Variants in SOBP observed in about 807,000 individuals in gnomAD.
SOBP encodes the protein sine oculis-binding protein homolog.
A neutral mutation model predicts 53.6 loss-of-function variants in SOBP; 4 were observed. That is an observed-to-expected ratio of 0.07 (90% confidence interval 0.04 to 0.17). The LOEUF (loss-of-function observed/expected upper bound fraction) is 0.17, where lower values mean the gene tolerates loss of function less well. Among genes scored for constraint, SOBP ranks in the 10% least tolerant of loss-of-function variants. The probability of loss-of-function intolerance (pLI) is 1.00; values close to 1 mark genes in which losing one functional copy is unlikely to be tolerated. For synonymous variants in SOBP, 584 were observed against 522.6 expected, an observed-to-expected ratio of 1.12 and a Z score of -1.60; for missense variants, 1,088 against 1,204.7, an observed-to-expected ratio of 0.90 and a Z score of 1.43.
intron 1 of SOBP, among the ~76,000 whole-genome samples, chr6:107,494,711 C>G (rs1782656914): frequency 1.3e-5 from 2 of 152,182 alleles, no homozygotes; most frequent in African/African-American, 4.8e-5. Context: ...TGCTTCTTTG[C>G]TGAAGAAGTT....
chr6:107,626,072 T>A (rs1261060341), intron 5 of SOBP, among the ~76,000 whole-genome samples: 1 of 152,054 alleles, frequency 6.6e-6, no homozygotes, highest in Non-Finnish European at 1.5e-5. Flanking sequence ...GAGCCAAATA[T>A]ATACTTGAAA....
chr6:107,527,402 G>A (rs1019399898), intron 3 of SOBP, among the ~76,000 whole-genome samples: 1 of 152,170 alleles, frequency 6.6e-6, no homozygotes, highest in African/African-American at 2.4e-5. Context: ...CAGTTACTGA[G>A]TTGTTCTTTG....
chr6:107,572,245 A>G lies in SOBP; in HGVS notation c.574-14835A>G, dbSNP rs139388562. On this transcript the variant is annotated intron_variant, in intron 4 of 6. Coordinates refer to ENST00000317357, the MANE Select transcript of SOBP (RefSeq NM_018013.4). ...GGACCTAATAAATCTGGCAACACTT[A>G]GTTAAAAAGAAAAGCCCTAGCCTTT... Among the ~76,000 whole-genome samples the G allele has an allele frequency of 3.7e-3, 560 of 152,294 alleles. 6 individuals are homozygous for G. The highest frequency in any genetic ancestry group is 0.013 in the African/African-American group (532 of 41,558).
Position 107,532,949 on chromosome 6 carries a change from A to G in SOBP, c.422-510A>G, listed in dbSNP as rs1783874504. Among the ~76,000 whole-genome samples the G allele has an allele frequency of 2.6e-5, 4 of 152,294 alleles. No individual in the cohort carries two copies. The South Asian group carries it at 6.2e-4, about 24-fold the overall frequency. ...GGGAATTATTACATTGCAAGAATAA[A>G]CAATAGCACATATCATTTAACAGTA... On this transcript the variant is annotated intron_variant, in intron 3 of 6. Coordinates refer to ENST00000317357, the MANE Select transcript of SOBP (RefSeq NM_018013.4).
chr6:107,636,440 C>G (rs1022264722), intron 6 of SOBP: 1 of 152,256 alleles, frequency 6.6e-6, no homozygotes, highest in Non-Finnish European at 1.5e-5. Flanking sequence ...GAATAGGCAT[C>G]ATCTGTATCT....
At chr6:107,626,747 C>G (rs1770477231) in intron 5 of SOBP, among the ~76,000 whole-genome samples, 1 of 151,382 alleles carries the variant, frequency 6.6e-6, no homozygotes, top group Admixed American at 6.6e-5. Flanking sequence ...TAGGACGTTG[C>G]TCCCTTCTTA....
chr6:107,638,284 C>A (rs776544443), intron 6 of SOBP, among the ~76,000 whole-genome samples: 5 of 152,224 alleles, frequency 3.3e-5, no homozygotes, highest in Non-Finnish European at 7.3e-5. Flanking sequence ...GACCTTGGCT[C>A]ACTGCAACCT....
At chr6:107,550,025 A>G (rs1023386301) in intron 4 of SOBP, among the ~76,000 whole-genome samples, 14 of 152,198 alleles carry the variant, frequency 9.2e-5, no homozygotes, top group African/African-American at 3.4e-4. Context: ...CCACACCTGG[A>G]AGGCCAGTGG....
At chr6:107,642,216 T>C (rs531056045) in intron 6 of SOBP, among the ~76,000 whole-genome samples, 1 of 152,108 alleles carries the variant, frequency 6.6e-6, no homozygotes, top group East Asian at 1.9e-4. Flanking sequence ...AGAGAGTTCT[T>C]CTCCAGATTT....
intron 4 of SOBP, among the ~76,000 whole-genome samples, chr6:107,572,785 G>A (rs1785112169): frequency 6.6e-6 from 1 of 152,188 alleles, no homozygotes; most frequent in Non-Finnish European, 1.5e-5. Flanking sequence ...TGATAAAGGT[G>A]TCCTCTGTTA....
chr6:107,552,883 A>G (rs1385943927), intron 4 of SOBP, among the ~76,000 whole-genome samples: 1 of 152,154 alleles, frequency 6.6e-6, no homozygotes, highest in Non-Finnish European at 1.5e-5. Context: ...TGATCACACC[A>G]CTGTACTCCA....
At chr6:107,604,648 G>T (rs1786304337) in intron 5 of SOBP, among the ~76,000 whole-genome samples, 1 of 152,216 alleles carries the variant, frequency 6.6e-6, no homozygotes, top group South Asian at 2.1e-4. Context: ...AGAAGGTGAG[G>T]TCAGGGGACA....
intron 4 of SOBP, among the ~76,000 whole-genome samples, chr6:107,580,284 T>A (rs1352225943): frequency 6.6e-6 from 1 of 152,228 alleles, no homozygotes; most frequent in Non-Finnish European, 1.5e-5. Context: ...TTGAGAACCA[T>A]GCAACTCTCT....
At chr6:107,533,390 C>T (rs1335898436) in intron 3 of SOBP, 69 bp from the exon 4 acceptor site, 3 of 1,538,572 alleles carry the variant, frequency 1.9e-6, no homozygotes, top group Non-Finnish European at 2.7e-6. Flanking sequence ...CTGTCAGGTT[C>T]AGGGTGTGTC....
chr6:107,564,137 C>T (rs1784850074), intron 4 of SOBP, among the ~76,000 whole-genome samples: 1 of 152,122 alleles, frequency 6.6e-6, no homozygotes, highest in Non-Finnish European at 1.5e-5. Context: ...AATGTGCGCG[C>T]GTTTCCCTAT....
At chr6:107,587,216 T>C in intron 5 of SOBP, 41 bp downstream of exon 5, 1 of 1,532,524 alleles carries the variant, frequency 6.5e-7, no homozygotes. Flanking sequence ...AATGTTACTT[T>C]AGCACAGTGA....
intron 6 of SOBP, among the ~76,000 whole-genome samples, chr6:107,655,133 T>A (rs1448300326): frequency 6.6e-6 from 1 of 152,066 alleles, no homozygotes; most frequent in African/African-American, 2.4e-5. Flanking sequence ...GGACAGTTTT[T>A]TCGTAAGATT....
chr6:107,587,315 A>G, intron 5 of SOBP, 140 bp downstream of exon 5: 1 of 691,356 alleles, frequency 1.4e-6, no homozygotes, highest in Non-Finnish European at 2.5e-6. Context: ...TAATTCTGAT[A>G]TCACTGAATA....
intron 4 of SOBP, among the ~76,000 whole-genome samples, chr6:107,573,621 C>A (rs989988931): frequency 2.0e-5 from 3 of 152,212 alleles, no homozygotes; most frequent in Non-Finnish European, 4.4e-5. Flanking sequence ...CTCCTCAACC[C>A]TTTCTGTACT....
Sources: allele counts gnomAD v4.1 joint callset (sites outside exome capture counted in the v4.1 genomes callset), GRCh38; gene constraint gnomAD v4.1.1; transcripts MANE v1.5; gene names NCBI Gene and HGNC (gene_info 2026-07-23, HGNC 2026-07-21).